Variants in TRPC6 observed in about 807,000 individuals in gnomAD.
The protein encoded by TRPC6 is transient receptor potential cation channel subfamily C member 6.
Under a neutral mutation model 90.7 loss-of-function variants are expected in TRPC6, and 55 were observed. The observed-to-expected ratio is 0.61, with a 90% CI of 0.49 to 0.76. The LOEUF (loss-of-function observed/expected upper bound fraction) is 0.76, where lower values mean the gene tolerates loss of function less well. TRPC6 is among the 30% of genes least tolerant of loss of function. The pLI, the probability that TRPC6 is intolerant of heterozygous loss-of-function variation, is 0.00. For missense variants in TRPC6, 989 were observed against 1,122.7 expected, an observed-to-expected ratio of 0.88 and a Z score of 1.70; for synonymous variants, 393 against 393.0, an observed-to-expected ratio of 1.00 and a Z score of 0.00.
chr11:101,572,430 C>T (rs921669518), intron 1 of TRPC6, among the ~76,000 whole-genome samples: 1 of 152,144 alleles, frequency 6.6e-6, no homozygotes, highest in Non-Finnish European at 1.5e-5. Context: ...ACTAGTTCAA[C>T]CATTGTGGAA....
intron 10 of TRPC6, among the ~76,000 whole-genome samples, chr11:101,468,855 A>G (rs548960033): frequency 6.6e-6 from 1 of 152,050 alleles, no homozygotes; most frequent in Non-Finnish European, 1.5e-5. Context: ...TTCCTTTATC[A>G]TTTCTTTTCA....
At chr11:101,513,125 A>G (rs1860435589) in intron 1 of TRPC6, among the ~76,000 whole-genome samples, 1 of 152,214 alleles carries the variant, frequency 6.6e-6, no homozygotes, top group Non-Finnish European at 1.5e-5. Flanking sequence ...AGTGGCCCTG[A>G]CCTTTTATGA....
chr11:101,578,155 A>G (rs1862112926), intron 1 of TRPC6, among the ~76,000 whole-genome samples: 2 of 152,220 alleles, frequency 1.3e-5, no homozygotes, highest in Non-Finnish European at 2.9e-5. Flanking sequence ...CTTGTGGCTT[A>G]CATTCTAGTC....
chr11:101,489,768 A>T (rs1859762014), intron 3 of TRPC6, among the ~76,000 whole-genome samples: 1 of 151,970 alleles, frequency 6.6e-6, no homozygotes, highest in Admixed American at 6.6e-5. Flanking sequence ...AAAAAGTTAC[A>T]ATATTTAATA....
At chr11:101,510,899 A>G (rs566003823) in intron 1 of TRPC6, among the ~76,000 whole-genome samples, 30 of 152,314 alleles carry the variant, frequency 2.0e-4, no homozygotes, top group Admixed American at 1.1e-3. Context: ...TAAGCTCCAT[A>G]TTAAGTTCTT....
chr11:101,464,179 C>A (rs1859081933), intron 10 of TRPC6, among the ~76,000 whole-genome samples: 1 of 152,128 alleles, frequency 6.6e-6, no homozygotes, highest in South Asian at 2.1e-4. Flanking sequence ...GATTTCTGTT[C>A]TTTTGCATTT....
At chr11:101,506,653 G>A (rs114120197) in intron 1 of TRPC6, among the ~76,000 whole-genome samples, 2,362 of 152,048 alleles carry the variant, frequency 0.016, 67 homozygotes, top group African/African-American at 0.054. Context: ...ATGAAGGGCC[G>A]ATATCAAGTT....
chr11:101,455,346 A>G (rs980587557), intron 10 of TRPC6: 3 of 425,456 alleles, frequency 7.1e-6, no homozygotes, highest in African/African-American at 6.1e-5. Context: ...GTGGCTGCCA[A>G]TCACGTTGTC....
intron 1 of TRPC6, among the ~76,000 whole-genome samples, chr11:101,537,238 T>C (rs7950828): frequency 0.25 from 38,644 of 152,090 alleles, 5,703 homozygotes; most frequent in Non-Finnish European, 0.33. Flanking sequence ...TTTTTTCAAC[T>C]ACACCAAGAA....
intron 1 of TRPC6, among the ~76,000 whole-genome samples, chr11:101,530,784 G>T (rs779895499): frequency 6.6e-6 from 1 of 152,002 alleles, no homozygotes; most frequent in Non-Finnish European, 1.5e-5. Context: ...CATCAGCCCT[G>T]GGACCCAACA....
chr11:101,454,114 C>G (rs932902130), intron 11 of TRPC6, among the ~76,000 whole-genome samples: 13 of 152,128 alleles, frequency 8.5e-5, no homozygotes, highest in East Asian at 7.7e-4. Context: ...TTAAGCCCCA[C>G]GTCTGACCCA....
chr11:101,546,048 CTCTTTTT>C lies in TRPC6; in HGVS notation c.170+37279_170+37285del, dbSNP rs1431696003. ...AATGGATCTAGTATCACATTTATAA[CTCTTTTT>C]TTTTTTTTTTTTTTTTTTTTTTTTT... is the stretch of plus-strand genomic sequence containing the variant. On this transcript the variant is annotated intron_variant, in intron 1 of 12. Coordinates refer to ENST00000344327, the MANE Select transcript of TRPC6 (RefSeq NM_004621.6). Among the ~76,000 whole-genome samples, 11 of 43,050 alleles carry C rather than the reference CTCTTTTT, an allele frequency of 2.6e-4. 1 individual carries two copies. Among genetic ancestry groups the C allele is most frequent in the Admixed American group, 7.2e-4 (2 of 2,796 alleles). The allele number at this position is 43,050 out of a possible 152,430, so 28.2% of individuals were successfully genotyped here.
intron 1 of TRPC6, among the ~76,000 whole-genome samples, chr11:101,507,309 C>T (rs1565222998): frequency 6.6e-6 from 1 of 150,850 alleles, no homozygotes; most frequent in Non-Finnish European, 1.5e-5. Flanking sequence ...TATTTTAATA[C>T]ATTCTACATA....
intron 1 of TRPC6, among the ~76,000 whole-genome samples, chr11:101,524,755 TAGAC>T (rs997313506): frequency 6.6e-6 from 1 of 152,172 alleles, no homozygotes; most frequent in Non-Finnish European, 1.5e-5. Context: ...TTAAGAAAAA[TAGAC>T]AGCAAAATTT....
At position 101,473,711 on chromosome 11, in the gene TRPC6, C is replaced by A. The variant is rs1331964311; in HGVS notation, c.1807G>T (p.Val603Leu). Residue 603 changes from valine (V) to leucine (L), a missense_variant, in exon 7 of 13, where the codon GTA (valine) becomes TTA (leucine). Val to Leu is a conservative substitution (Grantham distance 32, BLOSUM62 1). Around this residue, in one of 4 missense-constraint regions of TRPC6, gnomAD observed 118 missense variants for 197.6 expected, o/e 0.60. Coordinates refer to ENST00000344327, the MANE Select transcript of TRPC6 (RefSeq NM_004621.6). ...GCTATCCTAGAGAAACTTAAAACTA[C>A]AGCAATTGCATAAAGACCTTCAGAT... is the stretch of plus-strand genomic sequence containing the variant. ...IISEGLYAIA[V>L]VLSFSRIAYI... is the part of the protein sequence containing the mutation. The A allele has an allele frequency of 6.2e-7, 1 of 1,613,758 alleles. No homozygotes were observed. Among genetic ancestry groups the A allele is most frequent in the Admixed American group, 1.7e-5 (1 of 59,998 alleles).
intron 1 of TRPC6, among the ~76,000 whole-genome samples, chr11:101,505,922 G>A (rs1208728754): frequency 6.7e-6 from 1 of 149,478 alleles, no homozygotes; most frequent in South Asian, 2.2e-4. Flanking sequence ...CTGAGGTAGA[G>A]TATCAATTGA....
At chr11:101,563,525 T>C (rs142120230) in intron 1 of TRPC6, among the ~76,000 whole-genome samples, 338 of 152,304 alleles carry the variant, frequency 2.2e-3, no homozygotes, top group African/African-American at 7.6e-3. Context: ...GTTTATTGTC[T>C]GTAGGCTGTG....
In TRPC6 at chr11:101,504,083, T is replaced by C. The variant is rs751726256; in HGVS notation, c.886A>G (p.Thr296Ala). 12 of 1,614,050 alleles carry C rather than the reference T, an allele frequency of 7.4e-6. No individual in the cohort carries two copies. The Admixed American group carries it at 2.0e-4, about 27-fold the overall frequency. Residue 296 changes from threonine (T) to alanine (A), a missense_variant, in exon 2 of 13, where the codon ACG (threonine) becomes GCG (alanine). Physicochemically the swap from Thr to Ala is moderately conservative, Grantham distance 58. This residue lies in a region of TRPC6 where 486 missense variants were observed against 591.9 expected (regional missense o/e 0.82). Coordinates refer to ENST00000344327, the MANE Select transcript of TRPC6 (RefSeq NM_004621.6). ...AGTTCATTGCTAAGTTCTAAAGCCG[T>C]CATGACTGGATCTTCACTAGACAAT... ...LSLSSEDPVM[T>A]ALELSNELAV...
intron 4 of TRPC6, among the ~76,000 whole-genome samples, chr11:101,483,615 G>T (rs749246319): frequency 3.9e-5 from 6 of 152,094 alleles, no homozygotes; most frequent in Non-Finnish European, 1.5e-5. Context: ...TGCAATTCAG[G>T]CCTGAGTGGA....
Sources: gnomAD v4.1 joint callset for allele counts (sites outside exome capture counted in the v4.1 genomes callset) on GRCh38, gnomAD v4.1.1 for gene constraint, gnomAD v4.1.1 regional missense constraint, MANE v1.5 for transcripts, NCBI Gene and HGNC (gene_info 2026-07-23, HGNC 2026-07-21) for gene names.